DTD1: variants seen among roughly 807,000 people sequenced by gnomAD.
The protein encoded by DTD1 is D-tyrosyl-tRNA deacylase 1 homolog.
A neutral mutation model predicts 25.6 loss-of-function variants in DTD1; 13 were observed. That is an observed-to-expected ratio of 0.51 (90% confidence interval 0.33 to 0.81). DTD1 has a LOEUF of 0.81. Ranked by LOEUF, DTD1 falls within the 30% of genes least tolerant of loss-of-function variation. DTD1 has a pLI of 0.02. For synonymous variants in DTD1, 110 were observed against 103.6 expected, an observed-to-expected ratio of 1.06 and a Z score of -0.37; for missense variants, 193 against 266.4, an observed-to-expected ratio of 0.72 and a Z score of 1.92.
At chr20:18,741,737 T>G (rs2122517654) in intron 4 of DTD1, among the ~76,000 whole-genome samples, 1 of 152,078 alleles carries the variant, frequency 6.6e-6, no homozygotes, top group South Asian at 2.1e-4. Context: ...AAAAAAAATT[T>G]TTTTTGAGAC....
intron 4 of DTD1, among the ~76,000 whole-genome samples, chr20:18,639,038 G>A (rs1001826063): frequency 3.3e-5 from 5 of 152,128 alleles, no homozygotes; most frequent in African/African-American, 1.2e-4. Flanking sequence ...GGCCAGCATG[G>A]TGGAGGGATT....
chr20:18,704,593 A>T (rs561684505), intron 4 of DTD1, among the ~76,000 whole-genome samples: 2 of 152,136 alleles, frequency 1.3e-5, no homozygotes, highest in South Asian at 4.1e-4. Flanking sequence ...CTCTAGAGCC[A>T]TGGTTCGCAC....
intron 1 of DTD1, among the ~76,000 whole-genome samples, chr20:18,589,357 C>T (rs919259218): frequency 2.8e-4 from 41 of 147,156 alleles, no homozygotes; most frequent in African/African-American, 9.8e-4. Flanking sequence ...TCTCAAAAAA[C>T]AACAAACAAA....
At chr20:18,633,403 T>C (rs905285832) in intron 4 of DTD1, among the ~76,000 whole-genome samples, 1 of 152,216 alleles carries the variant, frequency 6.6e-6, no homozygotes, top group African/African-American at 2.4e-5. Flanking sequence ...TCGGCTACTC[T>C]ACTCTGCCCT....
intron 3 of DTD1, among the ~76,000 whole-genome samples, chr20:18,610,419 T>C (rs2060681834): frequency 6.6e-6 from 1 of 152,212 alleles, no homozygotes; most frequent in Non-Finnish European, 1.5e-5. Context: ...ATATTTTATC[T>C]AGGTAATTAT....
rs1600305974 is a variant in DTD1 at position 18,596,386 on chromosome 20, C to T, written c.370+145C>T. 6.0e-6 allele frequency: 4 copies of T among 669,074 alleles called. No individual in the cohort carries two copies. The South Asian group carries it at 7.7e-5, about 13-fold the overall frequency. The allele number at this position is 669,074 out of a possible 1,614,324, so 41.4% of individuals were successfully genotyped here. A position where few individuals can be genotyped will look rare whatever the true frequency, so the allele number is the denominator to read the frequency against. ...ACTTAGAACCACATACTAGCTGCTG[C>T]TATTGCTGCTGTTGTACTTAACACA... On this transcript the variant is annotated intron_variant, in intron 3 of 5. Coordinates refer to ENST00000377452, the MANE Select transcript of DTD1 (RefSeq NM_080820.6).
chr20:18,741,094 G>A (rs6075411), intron 4 of DTD1, among the ~76,000 whole-genome samples: 47,328 of 152,104 alleles, frequency 0.31, 8,154 homozygotes, highest in South Asian at 0.43. Flanking sequence ...TTGTTACCAG[G>A]CCATGGCGAA....
At chr20:18,621,987 C>T (rs1297443395) in intron 3 of DTD1, among the ~76,000 whole-genome samples, 2 of 151,994 alleles carry the variant, frequency 1.3e-5, no homozygotes, top group African/African-American at 4.8e-5. Context: ...TGGCGTGAAC[C>T]CGGGAGGCGG....
chr20:18,632,058 C>CTG (rs2060790424), intron 4 of DTD1: 5 of 872,472 alleles, frequency 5.7e-6, no homozygotes, highest in Non-Finnish European at 6.9e-6. Context: ...AGGACGGTAA[C>CTG]TGTGTGAGAT....
intron 4 of DTD1, among the ~76,000 whole-genome samples, chr20:18,690,467 A>G (rs1219073896): frequency 6.6e-6 from 1 of 152,202 alleles, no homozygotes; most frequent in Non-Finnish European, 1.5e-5. Flanking sequence ...CAGTATTTTT[A>G]TAGTTCGAGG....
chr20:18,712,410 G>A (rs1568678375), intron 4 of DTD1, among the ~76,000 whole-genome samples: 1 of 139,432 alleles, frequency 7.2e-6, no homozygotes, highest in Non-Finnish European at 1.6e-5. Flanking sequence ...GGGGTGGGGG[G>A]GAAGCCAGGA....
intron 4 of DTD1, among the ~76,000 whole-genome samples, chr20:18,633,933 C>T (rs527342662): frequency 1.2e-4 from 18 of 152,278 alleles, no homozygotes; most frequent in African/African-American, 3.1e-4. Flanking sequence ...TAGGCTGCTG[C>T]GTGGGTTTCA....
intron 4 of DTD1, among the ~76,000 whole-genome samples, chr20:18,663,168 C>T (rs1054265051): frequency 1.3e-5 from 2 of 151,912 alleles, no homozygotes; most frequent in Non-Finnish European, 2.9e-5. Context: ...CATGGGATGC[C>T]CTAATAGGGC....
intron 4 of DTD1, among the ~76,000 whole-genome samples, chr20:18,660,815 A>T (rs548062133): frequency 1.4e-4 from 22 of 152,332 alleles, no homozygotes; most frequent in African/African-American, 5.0e-4. Flanking sequence ...TTTTGTATTG[A>T]GGTTACTATA....
chr20:18,632,169 A>G, intron 4 of DTD1: 1 of 985,384 alleles, frequency 1.0e-6, no homozygotes, highest in African/African-American at 1.7e-5. Flanking sequence ...CCTCTCCCCA[A>G]ATCAAAAAAT....
intron 4 of DTD1, chr20:18,632,677 T>C (rs1334728694): frequency 1.0e-6 from 1 of 979,388 alleles, no homozygotes; most frequent in African/African-American, 1.8e-5. Flanking sequence ...AATGGTTCTT[T>C]TGGCAAATTT....
chr20:18,654,340 T>C (rs2122359680), intron 4 of DTD1, among the ~76,000 whole-genome samples: 1 of 152,328 alleles, frequency 6.6e-6, no homozygotes, highest in South Asian at 2.1e-4. Flanking sequence ...TCCTTCCACT[T>C]CTGCCATGAT....
chr20:18,761,982 G>C (rs1343199550), intron 5 of DTD1, among the ~76,000 whole-genome samples: 1 of 152,226 alleles, frequency 6.6e-6, no homozygotes, highest in African/African-American at 2.4e-5. Context: ...TTACAGGTGG[G>C]TTTGGGTGTA....
rs561320689 is a variant in DTD1, at chr20:18,728,531, C to T, written c.478-15569C>T. 3.9e-5 allele frequency among the ~76,000 whole-genome samples: 6 copies of T among 152,290 alleles called. No homozygotes were observed. The South Asian group carries it at 6.2e-4, about 16-fold the overall frequency. On this transcript the variant is annotated intron_variant, in intron 4 of 5. Transcript: ENST00000377452. ...ATTCTGACAGCACTTTGGAGATCTG[C>T]CATTGCTGCTCCCAGGACCAGCCTC...
Sources: allele counts gnomAD v4.1 joint callset (sites outside exome capture counted in the v4.1 genomes callset), GRCh38; gene constraint gnomAD v4.1.1; transcripts MANE v1.5; gene names NCBI Gene and HGNC (gene_info 2026-07-23, HGNC 2026-07-21).